GSN: variants seen among roughly 807,000 people sequenced by gnomAD.
GSN encodes the protein actin-depolymerizing factor.
A neutral mutation model predicts 85.7 loss-of-function variants in GSN; 56 were observed. The observed-to-expected ratio is 0.65, with a 90% CI of 0.53 to 0.82. The LOEUF (loss-of-function observed/expected upper bound fraction) is 0.82, where lower values mean the gene tolerates loss of function less well. GSN is among the 40% of genes least tolerant of loss of function. The probability of loss-of-function intolerance (pLI) is 0.00; values close to 1 mark genes in which losing one functional copy is unlikely to be tolerated. For missense variants in GSN, 857 were observed against 979.8 expected, an observed-to-expected ratio of 0.87 and a Z score of 1.67; for synonymous variants, 373 against 399.1, an observed-to-expected ratio of 0.93 and a Z score of 0.78.
intron 6 of GSN, among the ~76,000 whole-genome samples, chr9:121,249,393 C>T (rs983046567): frequency 2.6e-5 from 4 of 152,124 alleles, no homozygotes; most frequent in Admixed American, 2.6e-4. Flanking sequence ...AGGAGGATCA[C>T]CTGAGCCTGG....
At chr9:121,271,636 G>A (rs1371421392) in intron 1 of GSN, among the ~76,000 whole-genome samples, 1 of 152,214 alleles carries the variant, frequency 6.6e-6, no homozygotes, top group Non-Finnish European at 1.5e-5. Context: ...TAGGAGAACT[G>A]GTAAGGGAGT....
At chr9:121,331,933 G>A (rs574994226) in intron 17 of GSN, 6 of 206,198 alleles carry the variant, frequency 2.9e-5, no homozygotes, top group South Asian at 1.8e-4. Flanking sequence ...GTGTACACCC[G>A]TGGTCCCAGC....
chr9:121,229,945 A>G (rs906868551), intron 4 of GSN, among the ~76,000 whole-genome samples: 2 of 152,174 alleles, frequency 1.3e-5, no homozygotes, highest in African/African-American at 2.4e-5. Context: ...CTATATACTC[A>G]TGGATTCTTT....
At chr9:121,319,219 T>C (rs528191630) in intron 10 of GSN, among the ~76,000 whole-genome samples, 189 of 152,198 alleles carry the variant, frequency 1.2e-3, no homozygotes, top group African/African-American at 4.4e-3. Flanking sequence ...TGCACAGAGA[T>C]GGGAACCTTT....
At chr9:121,273,615 A>G (rs1257763061) in intron 1 of GSN, among the ~76,000 whole-genome samples, 1 of 150,986 alleles carries the variant, frequency 6.6e-6, no homozygotes, top group Non-Finnish European at 1.5e-5. Context: ...TTTTCAGTGC[A>G]TTTTTTTTTA....
intron 7 of GSN, among the ~76,000 whole-genome samples, chr9:121,316,030 T>G (rs1203029840): frequency 6.6e-6 from 1 of 152,204 alleles, no homozygotes; most frequent in African/African-American, 2.4e-5. Context: ...TCATGTAGAA[T>G]AATTATTATT....
chr9:121,267,042 A>G (rs1005306029), upstream of GSN, among the ~76,000 whole-genome samples: 11 of 152,112 alleles, frequency 7.2e-5, no homozygotes, highest in Non-Finnish European at 1.2e-4. Flanking sequence ...TTGTGTTAAG[A>G]GGGAGCTTTA....
chr9:121,205,397 T>A (rs1351602309), upstream of GSN, among the ~76,000 whole-genome samples: 1 of 152,194 alleles, frequency 6.6e-6, no homozygotes, highest in Non-Finnish European at 1.5e-5. Flanking sequence ...TGCAGGAAGA[T>A]GGGACTGACA....
At chr9:121,263,845 C>A (rs940632208), upstream of GSN, among the ~76,000 whole-genome samples, 5 of 147,450 alleles carry the variant, frequency 3.4e-5, no homozygotes, top group Non-Finnish European at 7.4e-5. Flanking sequence ...ACCGAGATTG[C>A]GCCATTGCAC....
At chr9:121,328,091 G>A (rs762317947) in intron 14 of GSN, among the ~76,000 whole-genome samples, 5 of 152,312 alleles carry the variant, frequency 3.3e-5, no homozygotes, top group South Asian at 2.1e-4. Context: ...GGCTGATAGC[G>A]TCAGAGGAGC....
At chr9:121,300,063 A>AGATACAGC in intron 2 of GSN, 1 of 1,607,738 alleles carries the variant, frequency 6.2e-7, no homozygotes, top group Non-Finnish European at 8.5e-7. Flanking sequence ...AAGTTCTTGC[A>AGATACAGC]GATACAGCGC....
upstream of GSN, among the ~76,000 whole-genome samples, chr9:121,264,295 A>G (rs1394527941): frequency 3.9e-5 from 6 of 152,074 alleles, no homozygotes; most frequent in Admixed American, 3.9e-4. Flanking sequence ...TCTACAAATA[A>G]CATAAAAATT....
chr9:121,230,623 C>A (rs1386212777), intron 4 of GSN, among the ~76,000 whole-genome samples: 1 of 152,168 alleles, frequency 6.6e-6, no homozygotes, highest in Non-Finnish European at 1.5e-5. Flanking sequence ...TAAGTTACTT[C>A]ACCTTGTTGA....
At chr9:121,289,289 G>A (rs1311881851) in intron 2 of GSN, among the ~76,000 whole-genome samples, 2 of 152,134 alleles carry the variant, frequency 1.3e-5, no homozygotes, top group East Asian at 3.9e-4. Flanking sequence ...TCAGACAAGG[G>A]TCAAAGCTTG....
intron 4 of GSN, among the ~76,000 whole-genome samples, chr9:121,225,253 GACAAA>G (rs72174590): frequency 0.085 from 12,964 of 152,210 alleles, 710 homozygotes; most frequent in Admixed American, 0.18. Context: ...ATGTCTACAT[GACAAA>G]ACAAAAACAA....
intron 16 of GSN, among the ~76,000 whole-genome samples, chr9:121,330,022 C>T (rs1327860351): frequency 1.3e-5 from 2 of 152,162 alleles, no homozygotes; most frequent in African/African-American, 4.8e-5. Context: ...TCTACACTAC[C>T]CACAGGGATG....
chr9:121,300,583 G>T (rs1407410816), intron 2 of GSN, among the ~76,000 whole-genome samples: 1 of 151,884 alleles, frequency 6.6e-6, no homozygotes, highest in Non-Finnish European at 1.5e-5. Flanking sequence ...TCTCTTCTCC[G>T]GCCAGAGGTG....
At chr9:121,284,626 T>G (rs547511426) in intron 2 of GSN, 50 of 167,114 alleles carry the variant, frequency 3.0e-4, no homozygotes, top group African/African-American at 1.2e-3. Context: ...AGGCACAGGC[T>G]TGGCCGCTGG....
At chr9:121,245,393 GT>G (rs2054679687) in intron 5 of GSN, among the ~76,000 whole-genome samples, 1 of 152,078 alleles carries the variant, frequency 6.6e-6, no homozygotes, top group Non-Finnish European at 1.5e-5. Flanking sequence ...GTCTCACTCT[GT>G]CACCCATGCA....
Sources: allele counts gnomAD v4.1 joint callset (sites outside exome capture counted in the v4.1 genomes callset), GRCh38; gene constraint gnomAD v4.1.1; transcripts MANE v1.5; gene names NCBI Gene and HGNC (gene_info 2026-07-23, HGNC 2026-07-21).